Variants in CBLC observed in about 807,000 individuals in gnomAD.
The protein encoded by CBLC is E3 ubiquitin-protein ligase CBL-C.
In CBLC, 46 loss-of-function variants were observed where a neutral mutation model predicts 58.6. The ratio of observed to expected loss-of-function variants is 0.79; its 90% confidence interval spans 0.62 to 1.00. CBLC has a LOEUF of 1.00. Ranked by LOEUF, CBLC falls within the 50% of genes least tolerant of loss-of-function variation. The pLI, the probability that CBLC is intolerant of heterozygous loss-of-function variation, is 0.00. For synonymous variants in CBLC, 271 were observed against 264.2 expected (o/e 1.03, Z -0.25); for missense variants, 655 against 625.8 (o/e 1.05, Z -0.50).
At position 44,799,020 on chromosome 19, in the gene CBLC, C is replaced by T. The variant is rs139997344; in HGVS notation, c.1363-1361C>T. ...TCCAAGAGGCCTCCCCGGCATCTTC[C>T]CTCTCCCAGGCACTTTGAAGGACAT... On this transcript the variant is annotated intron_variant, in intron 9 of 10. Transcript: ENST00000647358. 5.8e-3 allele frequency among the ~76,000 whole-genome samples: 877 copies of T among 152,320 alleles called. 6 individuals are homozygous for T. Among genetic ancestry groups the T allele is most frequent in the Non-Finnish European group, 8.5e-3 (578 of 68,042 alleles).
chr19:44,781,973 G>A (rs1967758082), intron 3 of CBLC, among the ~76,000 whole-genome samples: 1 of 139,638 alleles, frequency 7.2e-6, no homozygotes, highest in African/African-American at 2.7e-5. Context: ...AGGGGCTGGG[G>A]CCTGGACTCC....
intron 7 of CBLC, 90 bp from the exon 8 acceptor site, chr19:44,793,384 C>G: frequency 2.2e-6 from 3 of 1,373,164 alleles, no homozygotes; most frequent in South Asian, 1.6e-5. Context: ...TTCCCCACAT[C>G]AATCTTTTGG....
intron 5 of CBLC, among the ~76,000 whole-genome samples, chr19:44,788,072 C>G (rs1967956545): frequency 6.6e-6 from 1 of 151,734 alleles, no homozygotes; most frequent in African/African-American, 2.4e-5. Context: ...GCTGGGGTTA[C>G]AGGTGTAAAC....
chr19:44,799,645 TTTGTTGTTG>T (rs372861692), intron 9 of CBLC, among the ~76,000 whole-genome samples: 5 of 150,684 alleles, frequency 3.3e-5, no homozygotes, highest in Non-Finnish European at 7.4e-5. Context: ...GTTTTTTCGG[TTTGTTGTTG>T]TTGTTGTTGT....
chr19:44,781,515 G>C, intron 3 of CBLC, 152 bp downstream of exon 3: 1 of 768,786 alleles, frequency 1.3e-6, no homozygotes, highest in Non-Finnish European at 2.0e-6. Context: ...CTGGGTCTGA[G>C]GGAGGAGGGG....
chr19:44,785,357 C>T (rs931898996), intron 5 of CBLC, among the ~76,000 whole-genome samples: 2 of 151,880 alleles, frequency 1.3e-5, no homozygotes, highest in Non-Finnish European at 2.9e-5. Context: ...CTTCCCTTCT[C>T]GAACTCCCAA....
chr19:44,790,716 A>G (rs569200550), intron 6 of CBLC, among the ~76,000 whole-genome samples: 1 of 152,306 alleles, frequency 6.6e-6, no homozygotes, highest in Admixed American at 6.5e-5. Flanking sequence ...GATTATAGCC[A>G]TGAGCCACTG....
In CBLC at chr19:44,781,067, T is replaced by A; in HGVS notation, c.500+16T>A. ...GCGGAGCCCGGTGAGTAAGCCCTTG[T>A]CCTCAGCTCCCGGAGCCCCATCCTG... On this transcript the variant is annotated intron_variant, in intron 2 of 10. Coordinates refer to ENST00000647358, the MANE Select transcript of CBLC (RefSeq NM_012116.4). 1 of 1,607,316 alleles carries A rather than the reference T, an allele frequency of 6.2e-7. No individual in the cohort carries two copies. The highest frequency in any genetic ancestry group is 1.3e-5 in the African/African-American group (1 of 74,960).
intron 9 of CBLC, 127 bp from the exon 10 acceptor site, chr19:44,800,254 G>A: frequency 1.5e-6 from 1 of 667,720 alleles, no homozygotes; most frequent in Admixed American, 2.5e-5. Flanking sequence ...AGCCGCGCAG[G>A]AAGCCACCTC....
In CBLC at chr19:44,778,171, A is replaced by C. The variant is rs774931320; in HGVS notation, c.240A>C (p.Leu80=). 1.3e-6 allele frequency: 2 copies of C among 1,552,286 alleles called. No individual in the cohort carries two copies. The highest frequency in any genetic ancestry group is 2.8e-5 in the African/African-American group (2 of 71,708). ...GTCCCGGCGGCTCTGGGGACTTTCT[A>C]CTCATCTACCTGGCCAATCTGGAGG... ...PGGPGGSGDF[L]LIYLANLEAK... Residue 80 remains leucine, a synonymous_variant, in exon 1 of 11, where the codon CTA becomes CTC. Transcript: ENST00000647358.
intron 9 of CBLC, among the ~76,000 whole-genome samples, chr19:44,798,489 C>A (rs1263655967): frequency 6.6e-6 from 1 of 151,960 alleles, no homozygotes; most frequent in Non-Finnish European, 1.5e-5. Flanking sequence ...GTGGGCAAAT[C>A]CTTTGCTTGA....
Position 44,781,011 on chromosome 19 carries a change from G to C in CBLC, c.460G>C (p.Ala154Pro), listed in dbSNP as rs775409459. 1 of 1,613,428 alleles carries C rather than the reference G, an allele frequency of 6.2e-7. No homozygotes were observed. The highest frequency in any genetic ancestry group is 8.5e-7 in the Non-Finnish European group (1 of 1,179,986). Residue 154 changes from alanine (A) to proline (P), a missense_variant, in exon 2 of 11, where the codon GCC becomes CCC. Ala to Pro is a conservative substitution (Grantham distance 27). Coordinates refer to ENST00000647358, the MANE Select transcript of CBLC (RefSeq NM_012116.4). The stretch of plus-strand genomic sequence containing the variant: ...TGGACACATGTACCAGCTCACCAAG[G>C]CCCCCGCCCACACCTTCTGGAGGGA... The part of the protein sequence containing the change: ...YCGHMYQLTK[A>P]PAHTFWRESC...
intron 5 of CBLC, among the ~76,000 whole-genome samples, chr19:44,785,169 G>T (rs932278934): frequency 8.6e-5 from 13 of 150,880 alleles, no homozygotes; most frequent in Admixed American, 7.3e-4. Context: ...TAGAGACAGG[G>T]TTTCACCATG....
chr19:44,778,162 G>C lies in CBLC; in HGVS notation c.231G>C (p.Gly77=). The change falls in exon 1 of 11, where the codon GGG becomes GGC. Residue 77 remains glycine (G), a synonymous_variant. Transcript: ENST00000647358. The part of the protein sequence containing the change: ...GGGPGGPGGS[G]DFLLIYLANL... ...GCCCCGGGGGTCCCGGCGGCTCTGG[G>C]GACTTTCTACTCATCTACCTGGCCA... 6.4e-7 allele frequency: 1 copy of C among 1,565,412 alleles called. No homozygotes were observed. The highest frequency in any genetic ancestry group is 8.6e-7 in the Non-Finnish European group (1 of 1,159,896).
rs1968132556 is a variant in CBLC at position 44,794,251 on chromosome 19, C to T, written c.1332C>T (p.Pro444=). ...TGCCCCCACGGCCAGATCTGCCCCC[C>T]AGGAAGCCCAGAAATGCCCAGCCGA... is the stretch of plus-strand genomic sequence containing the variant. The part of the protein sequence containing the change: ...PPLPPRPDLP[P]RKPRNAQPKV... The change falls in exon 9 of 11, where the codon CCC becomes CCT. Residue 444 remains proline (P), a synonymous_variant. Coordinates refer to ENST00000647358, the MANE Select transcript of CBLC (RefSeq NM_012116.4). 1.2e-6 allele frequency: 2 copies of T among 1,613,092 alleles called. No homozygotes were observed. The highest frequency in any genetic ancestry group is 1.7e-6 in the Non-Finnish European group (2 of 1,179,540).
Position 44,778,005 on chromosome 19 carries a change from T to A in CBLC, c.74T>A (p.Leu25Gln). 1 of 1,609,088 alleles carries A rather than the reference T, an allele frequency of 6.2e-7. No homozygotes were observed. The highest frequency in any genetic ancestry group is 1.1e-5 in the South Asian group (1 of 91,038). Residue 25 changes from leucine to glutamine, a missense_variant, in exon 1 of 11, where the codon CTG becomes CAG. Transcript: ENST00000647358. ...ARALGRAVRM[L>Q]QRLEEQCVDP... The stretch of plus-strand genomic sequence containing the variant: ...GCCCTGGGCCGGGCAGTCAGGATGC[T>A]GCAGCGCCTAGAAGAGCAATGCGTC...
intron 6 of CBLC, among the ~76,000 whole-genome samples, chr19:44,791,435 C>T (rs1036870132): frequency 2.0e-5 from 3 of 151,864 alleles, no homozygotes; most frequent in African/African-American, 7.3e-5. Context: ...AGTCTCATAA[C>T]AAGGAGTGAA....
intron 9 of CBLC, 77 bp downstream of exon 9, chr19:44,794,358 AG>A: frequency 1.5e-6 from 2 of 1,367,578 alleles, no homozygotes; most frequent in Non-Finnish European, 2.1e-6. Flanking sequence ...CTGTGCACTC[AG>A]GGGTGCCAGG....
Position 44,780,959 on chromosome 19 carries a change from C to A in CBLC, c.408C>A (p.His136Gln). ...TCAGCCACATGCACGCAGAGCTGCA[C>A]GCACTCTTCCCCGGGGGAAAGTACT... ...IIFSHMHAEL[H>Q]ALFPGGKYCG... Residue 136 changes from histidine (H) to glutamine (Q), a missense_variant, in exon 2 of 11, where the codon CAC becomes CAA. Transcript: ENST00000647358. The A allele has an allele frequency of 1.2e-6, 2 of 1,613,464 alleles. No homozygotes were observed. The highest frequency in any genetic ancestry group is 1.7e-6 in the Non-Finnish European group (2 of 1,179,952).
Sources: gnomAD v4.1 joint callset for allele counts (sites outside exome capture counted in the v4.1 genomes callset) on GRCh38, gnomAD v4.1.1 for gene constraint, MANE v1.5 for transcripts, NCBI Gene and HGNC (gene_info 2026-07-23, HGNC 2026-07-21) for gene names.